Variants in EPB41L2 observed in about 807,000 individuals in gnomAD.
EPB41L2 encodes the protein erythrocyte membrane protein band 4.1 like 2.
Under a neutral mutation model 113.0 loss-of-function variants are expected in EPB41L2, and 43 were observed. That is an observed-to-expected ratio of 0.38 (90% CI 0.30 to 0.49). The LOEUF is 0.49. Ranked by LOEUF, EPB41L2 falls within the 20% of genes least tolerant of loss-of-function variation. The pLI is 0.95. For synonymous variants in EPB41L2, 442 were observed against 436.7 expected, an observed-to-expected ratio of 1.01 and a Z score of -0.15; for missense variants, 1,147 against 1,223.4, an observed-to-expected ratio of 0.94 and a Z score of 0.93.
At chr6:130,879,050 A>G in intron 13 of EPB41L2, among the ~76,000 whole-genome samples, 1 of 152,272 alleles carries the variant, frequency 6.6e-6, no homozygotes, top group African/African-American at 2.4e-5. Flanking sequence ...TATTTGTGGA[A>G]TTTTTTTCGA....
chr6:130,961,557 T>C (rs990290425), intron 1 of EPB41L2, among the ~76,000 whole-genome samples: 1 of 152,182 alleles, frequency 6.6e-6, no homozygotes, highest in African/African-American at 2.4e-5. Flanking sequence ...TTAATCAGAA[T>C]ACTACAGCAA....
intron 3 of EPB41L2, among the ~76,000 whole-genome samples, chr6:130,944,021 A>T (rs1262899657): frequency 6.6e-6 from 1 of 152,234 alleles, no homozygotes; most frequent in African/African-American, 2.4e-5. Context: ...TTGTAGAAAC[A>T]TAATAGTTTT....
chr6:130,934,949 A>T (rs1023956459), intron 3 of EPB41L2, among the ~76,000 whole-genome samples: 5 of 152,090 alleles, frequency 3.3e-5, no homozygotes, highest in African/African-American at 1.2e-4. Context: ...TTTCTTGTAT[A>T]CTATTCCTTA....
intron 1 of EPB41L2, among the ~76,000 whole-genome samples, chr6:130,967,678 T>C (rs967987786): frequency 6.6e-6 from 1 of 152,178 alleles, no homozygotes; most frequent in African/African-American, 2.4e-5. Context: ...AGGAATAAAA[T>C]TGGCCTGAAA....
intron 19 of EPB41L2, among the ~76,000 whole-genome samples, chr6:130,848,195 TCTCTCACACACACACACA>T (rs1777627527): frequency 9.0e-6 from 1 of 110,692 alleles, no homozygotes; most frequent in African/African-American, 4.6e-5. Context: ...TCTCTCTCTC[TCTCTCACACACACACACA>T]CACACACACA....
chr6:130,896,011 C>T (rs570227003), intron 8 of EPB41L2, among the ~76,000 whole-genome samples: 13 of 152,232 alleles, frequency 8.5e-5, no homozygotes, highest in African/African-American at 2.2e-4. Context: ...TGAAGACTAC[C>T]GCTCAAAGAC....
intron 8 of EPB41L2, among the ~76,000 whole-genome samples, chr6:130,899,030 G>A (rs188520886): frequency 3.9e-5 from 6 of 152,170 alleles, no homozygotes; most frequent in African/African-American, 1.4e-4. Context: ...ACAGGGAAAA[G>A]ACCAACTCTA....
chr6:130,996,292 G>C (rs1054576509), intron 1 of EPB41L2, among the ~76,000 whole-genome samples: 1 of 152,200 alleles, frequency 6.6e-6, no homozygotes, highest in Non-Finnish European at 1.5e-5. Context: ...CTGATGCCCA[G>C]ACATAAACAA....
In EPB41L2 at chr6:130,840,215, T is replaced by C. The variant is rs1043598; in HGVS notation, c.*389A>G. 7,240 of 152,740 alleles carry C rather than the reference T, an allele frequency of 0.047. 240 individuals are homozygous for C. The highest frequency in any genetic ancestry group is 0.12 in the East Asian group (618 of 5,180). The allele number at this position is 152,740 out of a possible 1,614,324, so 9.5% of individuals were successfully genotyped here. A position where few individuals can be genotyped will look rare whatever the true frequency, so the allele number is the denominator to read the frequency against. Reference sequence around the variant, plus strand: ...AGTTTCCTTTCTGCGCAACAGCACCTGTTCAAGTGAACAGCACCTTACCAG... The same window carrying C: ...AGTTTCCTTTCTGCGCAACAGCACCCGTTCAAGTGAACAGCACCTTACCAG... On this transcript the variant is annotated 3_prime_UTR_variant, in exon 20 of 20. Coordinates refer to ENST00000337057, the MANE Select transcript of EPB41L2 (RefSeq NM_001431.4).
chr6:130,954,753 G>A (rs1816825592), intron 3 of EPB41L2, among the ~76,000 whole-genome samples: 1 of 152,126 alleles, frequency 6.6e-6, no homozygotes, highest in East Asian at 1.9e-4. Flanking sequence ...AAACACTTGG[G>A]GCTAAGTTTA....
At chr6:130,977,160 C>T (rs1159320901) in intron 1 of EPB41L2, among the ~76,000 whole-genome samples, 2 of 152,162 alleles carry the variant, frequency 1.3e-5, no homozygotes, top group Non-Finnish European at 2.9e-5. Context: ...AACAAAAGCA[C>T]CTACCACAAA....
At chr6:130,908,142 AAAC>A (rs1798266205) in intron 5 of EPB41L2, among the ~76,000 whole-genome samples, 1 of 152,222 alleles carries the variant, frequency 6.6e-6, no homozygotes, top group Non-Finnish European at 1.5e-5. Context: ...GCCACAGGCA[AAAC>A]AACCTGCAGA....
intron 3 of EPB41L2, among the ~76,000 whole-genome samples, chr6:130,954,857 T>C (rs1562578095): frequency 6.6e-6 from 1 of 152,206 alleles, no homozygotes; most frequent in African/African-American, 2.4e-5. Flanking sequence ...TTCCAAATAT[T>C]TAACACCCAG....
At chr6:131,016,818 A>G (rs200813843) in intron 1 of EPB41L2, among the ~76,000 whole-genome samples, 1 of 144,860 alleles carries the variant, frequency 6.9e-6, no homozygotes, top group South Asian at 2.2e-4. Context: ...TCTCTAAAAG[A>G]AAAAAAAAAA....
chr6:130,954,040 CTTTTTTTTT>C (rs780758511), intron 3 of EPB41L2, among the ~76,000 whole-genome samples: 44 of 58,864 alleles, frequency 7.5e-4, no homozygotes, highest in Middle Eastern at 0.015. Flanking sequence ...CCTTTTCTTT[CTTTTTTTTT>C]TTTTTTTTTT....
At chr6:130,931,877 T>C (rs1807022739) in intron 3 of EPB41L2, among the ~76,000 whole-genome samples, 1 of 152,144 alleles carries the variant, frequency 6.6e-6, no homozygotes, top group African/African-American at 2.4e-5. Flanking sequence ...AATCACAGTG[T>C]CCTGGGCTTG....
chr6:131,029,647 A>C (rs972946561), intron 1 of EPB41L2, among the ~76,000 whole-genome samples: 4 of 152,236 alleles, frequency 2.6e-5, no homozygotes, highest in Non-Finnish European at 5.9e-5. Flanking sequence ...TGGAATCCTG[A>C]ATGTGATTTA....
intron 1 of EPB41L2, among the ~76,000 whole-genome samples, chr6:130,965,889 A>G (rs951898410): frequency 6.6e-6 from 1 of 152,152 alleles, no homozygotes; most frequent in African/African-American, 2.4e-5. Flanking sequence ...AAAATTCCAA[A>G]TGTGTCCACA....
At chr6:130,930,293 C>T (rs1218107936) in intron 3 of EPB41L2, among the ~76,000 whole-genome samples, 1 of 152,044 alleles carries the variant, frequency 6.6e-6, no homozygotes, top group African/African-American at 2.4e-5. Context: ...TTTTAAAGAC[C>T]ACACCTCACT....
Sources: allele counts gnomAD v4.1 joint callset (sites outside exome capture counted in the v4.1 genomes callset), GRCh38; gene constraint gnomAD v4.1.1; transcripts MANE v1.5; gene names NCBI Gene and HGNC (gene_info 2026-07-23, HGNC 2026-07-21).